SLC27A4: variants seen among roughly 807,000 people sequenced by gnomAD.
The protein encoded by SLC27A4 is long-chain fatty acid transport protein 4.
In SLC27A4, 33 loss-of-function variants were observed where a neutral mutation model predicts 64.4. That is an observed-to-expected ratio of 0.51 (90% CI 0.39 to 0.68). The LOEUF (loss-of-function observed/expected upper bound fraction) is 0.68. Ranked by LOEUF, SLC27A4 falls within the 30% of genes least tolerant of loss-of-function variation. The probability of loss-of-function intolerance (pLI) is 0.00; values close to 1 mark genes in which losing one functional copy is unlikely to be tolerated. For synonymous variants in SLC27A4, 377 were observed against 370.0 expected, an observed-to-expected ratio of 1.02 and a Z score of -0.22; for missense variants, 824 against 883.5, an observed-to-expected ratio of 0.93 and a Z score of 0.85.
chr9:128,346,920 G>C (rs534943656), intron 3 of SLC27A4, among the ~76,000 whole-genome samples: 1 of 151,930 alleles, frequency 6.6e-6, no homozygotes, highest in Non-Finnish European at 1.5e-5. Flanking sequence ...TAGGAGAATC[G>C]CTTGAACCCA....
chr9:128,352,868 C>G, intron 7 of SLC27A4, 121 bp downstream of exon 7: 6 of 1,066,122 alleles, frequency 5.6e-6, no homozygotes, highest in Non-Finnish European at 8.5e-6. Flanking sequence ...TCATTTGTGG[C>G]AAAGTTCCCA....
At position 128,348,691 on chromosome 9, in the gene SLC27A4, A is replaced by G; in HGVS notation, c.703A>G (p.Lys235Glu). 6.2e-7 allele frequency: 1 copy of G among 1,613,944 alleles called. No individual in the cohort carries two copies. Among genetic ancestry groups the G allele is most frequent in the Non-Finnish European group, 8.5e-7 (1 of 1,180,006 alleles). Residue 235 changes from lysine (K) to glutamate (E), a missense_variant, in exon 4 of 13, where the codon AAG (lysine) becomes GAG (glutamate). Coordinates refer to ENST00000300456, the MANE Select transcript of SLC27A4 (RefSeq NM_005094.4). ...CAAGCACCTTCCCAGTTGCCCTGAC[A>G]AGGGCTTCACAGGTGGGCTCCATCC... Reference protein sequence around the residue: ...APKHLPSCPDKGFTDKLFYIY... With the variant: ...APKHLPSCPDEGFTDKLFYIY...
intron 4 of SLC27A4, among the ~76,000 whole-genome samples, chr9:128,349,849 A>T (rs145234829): frequency 2.6e-5 from 4 of 152,152 alleles, no homozygotes; most frequent in Non-Finnish European, 5.9e-5. Flanking sequence ...TCCTGCAGCT[A>T]ATGCCTCCCT....
chr9:128,359,384 G>A (rs982740704), intron 12 of SLC27A4, among the ~76,000 whole-genome samples: 5 of 152,172 alleles, frequency 3.3e-5, no homozygotes, highest in Non-Finnish European at 7.3e-5. Flanking sequence ...AGCACTTTGG[G>A]AGGTCGAGGA....
chr9:128,351,761 T>C (rs1832740426), intron 6 of SLC27A4, among the ~76,000 whole-genome samples: 1 of 151,804 alleles, frequency 6.6e-6, no homozygotes, highest in Non-Finnish European at 1.5e-5. Context: ...AAAATAAAAA[T>C]AAACAGGATT....
At chr9:128,341,351 C>G (rs577402908) in intron 1 of SLC27A4, among the ~76,000 whole-genome samples, 2 of 152,206 alleles carry the variant, frequency 1.3e-5, no homozygotes, top group Non-Finnish European at 2.9e-5. Context: ...TCCCCTTGAT[C>G]GAGTCCTCAA....
At position 128,353,765 on chromosome 9, in the gene SLC27A4, A is replaced by T. The variant is rs1257508591; in HGVS notation, c.1324+224A>T. ...ATTCTTTTTTTTTTTTTTATTTGAGACGGAGTCTCGCTCTGTCGCCCAGGC... is the reference window on the plus strand; with the variant it reads ...ATTCTTTTTTTTTTTTTTATTTGAGTCGGAGTCTCGCTCTGTCGCCCAGGC... On this transcript the variant is annotated intron_variant, in intron 9 of 12. Coordinates refer to ENST00000300456, the MANE Select transcript of SLC27A4 (RefSeq NM_005094.4). The surrounding 1 kb of genome is among the most constrained non-coding windows in gnomAD (Gnocchi z 4.9). 6.9e-5 allele frequency among the ~76,000 whole-genome samples: 10 copies of T among 145,640 alleles called. No individual in the cohort carries two copies. Among genetic ancestry groups the T allele is most frequent in the African/African-American group, 2.4e-4 (9 of 38,038 alleles).
chr9:128,353,251 G>T lies in SLC27A4; in HGVS notation c.1197+17G>T. 2 of 1,613,402 alleles carry T rather than the reference G, an allele frequency of 1.2e-6. No homozygotes were observed. Among genetic ancestry groups the T allele is most frequent in the Non-Finnish European group, 8.5e-7 (1 of 1,179,730 alleles). ...GACAGCCAGGTGCGGCCAGGTTGGG[G>T]ATGGGCGAGGCTGCTGCAGGGATGG... On this transcript the variant is annotated intron_variant, in intron 8 of 12. Coordinates refer to ENST00000300456, the MANE Select transcript of SLC27A4 (RefSeq NM_005094.4). The surrounding 1 kb of genome is among the most constrained non-coding windows in gnomAD (Gnocchi z 4.9).
At position 128,348,616 on chromosome 9, in the gene SLC27A4, G is replaced by C; in HGVS notation, c.628G>C (p.Ala210Pro). ...CTGCTCTGGCTCCTGGGAGCCCGGT[G>C]CGGTGCCTCCAAGCACAGAACACCT... is the stretch of plus-strand genomic sequence containing the variant. The part of the protein sequence containing the change: ...LFCSGSWEPG[A>P]VPPSTEHLDP... The change falls in exon 4 of 13, where the codon GCG becomes CCG. Residue 210 changes from alanine (A) to proline (P), a missense_variant. Coordinates refer to ENST00000300456, the MANE Select transcript of SLC27A4 (RefSeq NM_005094.4). 1 of 1,613,826 alleles carries C rather than the reference G, an allele frequency of 6.2e-7. No individual in the cohort carries two copies. The highest frequency in any genetic ancestry group is 8.5e-7 in the Non-Finnish European group (1 of 1,180,004).
Position 128,345,550 on chromosome 9 carries a change from G to A in SLC27A4, c.556+1G>A. The A allele has an allele frequency of 1.9e-6, 3 of 1,602,204 alleles. No homozygotes were observed. Among genetic ancestry groups the A allele is most frequent in the Non-Finnish European group, 2.6e-6 (3 of 1,176,384 alleles). On this transcript the variant is annotated splice_donor_variant, in intron 3 of 12. Coordinates refer to ENST00000300456, the MANE Select transcript of SLC27A4 (RefSeq NM_005094.4). LOFTEE classifies it high-confidence loss of function. This position sits in a 1 kb window ranked among gnomAD's most constrained non-coding sequence, Gnocchi z 4.1. ...GTCTTTGGCAGCGAAATGGCCTCAG[G>A]TGAGCCCCAAGGGGGCGGGGGACAA...
Position 128,345,148 on chromosome 9 carries a change from C to T in SLC27A4, c.162-7C>T, listed in dbSNP as rs914016642. ...CAGACACAGCGCCCTCTCTTGTTCA[C>T]ACACAGTGGCGGCCTGGTCCTCCTG... is the stretch of plus-strand genomic sequence containing the variant. On this transcript the variant is annotated splice_polypyrimidine_tract_variant and splice_region_variant and intron_variant, in intron 2 of 12. Transcript: ENST00000300456. This position sits in a 1 kb window ranked among gnomAD's most constrained non-coding sequence, Gnocchi z 4.1. The T allele has an allele frequency of 1.2e-6, 2 of 1,613,386 alleles. No homozygotes were observed. The highest frequency in any genetic ancestry group is 1.7e-5 in the Admixed American group (1 of 60,020).
At position 128,343,200 on chromosome 9, in the gene SLC27A4, C is replaced by T; in HGVS notation, c.68C>T (p.Thr23Ile). ...FSKLVLKLPW[T>I]QVGFSLLFLY... is the part of the protein sequence containing the mutation. ...AAGCTGGTGCTGAAACTGCCCTGGA[C>T]CCAGGTGGGATTCTCCCTGTTGTTC... Residue 23 changes from threonine to isoleucine, a missense_variant, in exon 2 of 13, where the codon ACC (threonine) becomes ATC (isoleucine). Thr to Ile is a moderately conservative substitution (Grantham distance 89, BLOSUM62 -1). Transcript: ENST00000300456. 2 of 1,614,150 alleles carry T rather than the reference C, an allele frequency of 1.2e-6. No homozygotes were observed. Among genetic ancestry groups the T allele is most frequent in the Non-Finnish European group, 1.7e-6 (2 of 1,180,036 alleles).
At chr9:128,359,040 C>T (rs1236281907) in intron 12 of SLC27A4, among the ~76,000 whole-genome samples, 1 of 152,204 alleles carries the variant, frequency 6.6e-6, no homozygotes, top group Admixed American at 6.5e-5. Context: ...GAGCTCTTGC[C>T]AGGAGAAGTG....
rs1832760674 is a variant in SLC27A4 at position 128,353,035 on chromosome 9, A to G, written c.998A>G (p.Tyr333Cys). 1.2e-6 allele frequency: 2 copies of G among 1,613,400 alleles called. No individual in the cohort carries two copies. Among genetic ancestry groups the G allele is most frequent in the Non-Finnish European group, 1.7e-6 (2 of 1,179,672 alleles). ...CIKYNCTIVQ[Y>C]IGELCRYLLN... ...CAAGTTCACCCCCAGATTGTGCAGTACATTGGTGAACTGTGCCGCTACCTC... is the reference window on the plus strand; with the variant it reads ...CAAGTTCACCCCCAGATTGTGCAGTGCATTGGTGAACTGTGCCGCTACCTC... The change falls in exon 8 of 13, where the codon TAC becomes TGC. Residue 333 changes from tyrosine to cysteine, a missense_variant. Transcript: ENST00000300456. This position sits in a 1 kb window ranked among gnomAD's most constrained non-coding sequence, Gnocchi z 4.9.
chr9:128,348,591 C>G lies in SLC27A4; in HGVS notation c.603C>G (p.Phe201Leu). The G allele has an allele frequency of 6.2e-7, 1 of 1,613,678 alleles. No homozygotes were observed. The change falls in exon 4 of 13, where the codon TTC becomes TTG. Residue 201 changes from phenylalanine to leucine, a missense_variant. Phe to Leu is a conservative substitution (Grantham distance 22). Coordinates refer to ENST00000300456, the MANE Select transcript of SLC27A4 (RefSeq NM_005094.4). ...GCCTGGACCCCTCGCTCAGCCTCTT[C>G]TGCTCTGGCTCCTGGGAGCCCGGTG... ...HASLDPSLSL[F>L]CSGSWEPGAV... is the part of the protein sequence containing the mutation.
At chr9:128,355,293 C>T in intron 10 of SLC27A4, 103 bp downstream of exon 10, 1 of 1,598,110 alleles carries the variant, frequency 6.3e-7, no homozygotes, top group Non-Finnish European at 8.6e-7. Context: ...CAGTCCTGGC[C>T]CTTGTGGTCA....
At chr9:128,347,896 A>G (rs981122010) in intron 3 of SLC27A4, among the ~76,000 whole-genome samples, 30 of 150,638 alleles carry the variant, frequency 2.0e-4, no homozygotes, top group Admixed American at 9.9e-4. Flanking sequence ...AAAAAAAAAG[A>G]AAGGAAAGAA....
In SLC27A4 at chr9:128,360,319, T is replaced by A. The variant is rs200063916; in HGVS notation, c.1775-15T>A. The A allele has an allele frequency of 9.3e-6, 15 of 1,613,896 alleles. No individual in the cohort carries two copies. The East Asian group carries it at 3.3e-4, about 36-fold the overall frequency. On this transcript the variant is annotated splice_polypyrimidine_tract_variant and intron_variant, in intron 12 of 12. Transcript: ENST00000300456. ...GCCCCTGCCCTGCACTGAGTCTTCTTCCCTGCTCTCCCAGGAACCTACAAG... is the reference window on the plus strand; with the variant it reads ...GCCCCTGCCCTGCACTGAGTCTTCTACCCTGCTCTCCCAGGAACCTACAAG...
chr9:128,345,314 G>C lies in SLC27A4; in HGVS notation c.321G>C (p.Leu107=), dbSNP rs755781288. ...GTDTHWTFRQ[L]DEYSSSVANF... is the part of the protein sequence containing the mutation. Reference sequence around the variant, plus strand: ...ATACCCACTGGACCTTCCGCCAGCTGGATGAGTACTCAAGCAGTGTAGCCA... The same window carrying C: ...ATACCCACTGGACCTTCCGCCAGCTCGATGAGTACTCAAGCAGTGTAGCCA... The change falls in exon 3 of 13, where the codon CTG becomes CTC. Residue 107 remains leucine, a synonymous_variant. Transcript: ENST00000300456. The surrounding 1 kb of genome is among the most constrained non-coding windows in gnomAD (Gnocchi z 4.1). The C allele has an allele frequency of 5.3e-5, 86 of 1,613,784 alleles. No homozygotes were observed. The highest frequency in any genetic ancestry group is 5.9e-6 in the Non-Finnish European group (7 of 1,180,032).
Sources: allele counts gnomAD v4.1 joint callset (sites outside exome capture counted in the v4.1 genomes callset), GRCh38; gene constraint gnomAD v4.1.1; non-coding constraint Gnocchi (gnomAD v3.1); transcripts MANE v1.5; gene names NCBI Gene and HGNC (gene_info 2026-07-23, HGNC 2026-07-21).